Variants in SLC7A5 observed in about 807,000 individuals in gnomAD.
SLC7A5 encodes large neutral amino acids transporter small subunit 1.
In SLC7A5, 23 loss-of-function variants were observed where a neutral mutation model predicts 50.2. That is an observed-to-expected ratio of 0.46 (90% CI 0.33 to 0.65). SLC7A5 has a LOEUF of 0.65. Among genes scored for constraint, SLC7A5 ranks in the 30% least tolerant of loss-of-function variants. The probability of loss-of-function intolerance (pLI) is 0.02; values close to 1 mark genes in which losing one functional copy is unlikely to be tolerated. For missense variants in SLC7A5, 578 were observed against 684.4 expected, an observed-to-expected ratio of 0.84 and a Z score of 1.73; for synonymous variants, 393 against 330.6, an observed-to-expected ratio of 1.19 and a Z score of -2.05.
intron 9 of SLC7A5, among the ~76,000 whole-genome samples, chr16:87,834,062 C>G (rs1018820772): frequency 6.6e-6 from 1 of 152,128 alleles, no homozygotes; most frequent in Non-Finnish European, 1.5e-5. Context: ...CCATGTTGGC[C>G]AGGCTGGTCT....
At chr16:87,856,365 C>T (rs1317560290) in intron 1 of SLC7A5, among the ~76,000 whole-genome samples, 3 of 152,214 alleles carry the variant, frequency 2.0e-5, no homozygotes, top group Admixed American at 1.3e-4. Flanking sequence ...GGAGACAGCA[C>T]AGAGGAAGTG....
rs1407493955 is a variant in SLC7A5 at position 87,836,615 on chromosome 16, C to T, written c.1173G>A (p.Lys391=). The stretch of plus-strand genomic sequence containing the variant: ...AGAAGTTGATGACGGAGAAGATGTC[C>T]TTGGAGAAGGCGTAGAGCAGCGTCA... ...CVMTLLYAFS[K]DIFSVINFFS... Residue 391 remains lysine (K), a synonymous_variant, in exon 8 of 10, where the codon AAG becomes AAA. Coordinates refer to ENST00000261622, the MANE Select transcript of SLC7A5 (RefSeq NM_003486.7). 6.2e-7 allele frequency: 1 copy of T among 1,613,444 alleles called. No homozygotes were observed. The highest frequency in any genetic ancestry group is 1.1e-5 in the South Asian group (1 of 91,082).
chr16:87,851,641 C>G, intron 2 of SLC7A5, 83 bp downstream of exon 2: 20 of 1,538,724 alleles, frequency 1.3e-5, no homozygotes, highest in Non-Finnish European at 1.8e-5. Flanking sequence ...GGGAGGCACC[C>G]GGGGACGGGA....
chr16:87,858,312 A>G (rs1435161374), intron 1 of SLC7A5, among the ~76,000 whole-genome samples: 1 of 152,128 alleles, frequency 6.6e-6, no homozygotes, highest in Non-Finnish European at 1.5e-5. Flanking sequence ...TAATCTGACC[A>G]GTCACCGCAG....
At chr16:87,849,928 G>A (rs1226074445) in intron 2 of SLC7A5, among the ~76,000 whole-genome samples, 1 of 152,126 alleles carries the variant, frequency 6.6e-6, no homozygotes, top group African/African-American at 2.4e-5. Context: ...ACTTCCCCTC[G>A]ACGATGAGGC....
rs1237711630 is a variant in SLC7A5 at position 87,851,713 on chromosome 16, GA to G, written c.664+10del. Reference sequence around the variant, plus strand: ...GAGGGGCCGCCGGTGGGGCCTGGGGGACGTACTCACCCTTCCCGATCTGGAC... The same window carrying G: ...GAGGGGCCGCCGGTGGGGCCTGGGGGCGTACTCACCCTTCCCGATCTGGAC... On this transcript the variant is annotated intron_variant, in intron 2 of 9. Coordinates refer to ENST00000261622, the MANE Select transcript of SLC7A5 (RefSeq NM_003486.7). 4 of 1,608,640 alleles carry G rather than the reference GA, an allele frequency of 2.5e-6. No homozygotes were observed. The Admixed American group carries it at 6.7e-5, about 27-fold the overall frequency.
rs1050176178 is a variant in SLC7A5 at position 87,861,871 on chromosome 16, G to A, written c.538+7014C>T. 7.9e-5 allele frequency among the ~76,000 whole-genome samples: 12 copies of A among 152,234 alleles called. No individual in the cohort carries two copies. Among genetic ancestry groups the A allele is most frequent in the Non-Finnish European group, 1.6e-4 (11 of 68,050 alleles). On this transcript the variant is annotated intron_variant, in intron 1 of 9. Transcript: ENST00000261622. The surrounding 1 kb of genome is among the most constrained non-coding windows in gnomAD (Gnocchi z 4.2). ...CTTGCCCCGAATCCCGTGATGCAGC[G>A]TGACCTGCCTAGGTGCCGGCGGCAC... is the stretch of plus-strand genomic sequence containing the variant.
At chr16:87,866,646 T>C (rs1169098076) in intron 1 of SLC7A5, among the ~76,000 whole-genome samples, 5 of 152,080 alleles carry the variant, frequency 3.3e-5, no homozygotes, top group Non-Finnish European at 7.4e-5. Context: ...TTTGTATTTT[T>C]AGTAGAGATG....
Position 87,853,339 on chromosome 16 carries a change from G to A in SLC7A5, c.539-1490C>T, listed in dbSNP as rs1376211091. ...AAATTAACCACCCCGCTACAATTCT[G>A]TGGATGCCAGAGCGGAGACGGCTAC... On this transcript the variant is annotated intron_variant, in intron 1 of 9. Coordinates refer to ENST00000261622, the MANE Select transcript of SLC7A5 (RefSeq NM_003486.7). The surrounding 1 kb of genome is among the most constrained non-coding windows in gnomAD (Gnocchi z 4.4). Among the ~76,000 whole-genome samples the A allele has an allele frequency of 6.6e-6, 1 of 152,242 alleles. No individual in the cohort carries two copies. Among genetic ancestry groups the A allele is most frequent in the African/African-American group, 2.4e-5 (1 of 41,456 alleles).
intron 1 of SLC7A5, among the ~76,000 whole-genome samples, chr16:87,866,700 C>T (rs190669937): frequency 6.6e-6 from 1 of 152,122 alleles, no homozygotes; most frequent in Non-Finnish European, 1.5e-5. Context: ...CTCCTGACTT[C>T]AGGTGATCCG....
chr16:87,833,739 T>A lies in SLC7A5; in HGVS notation c.1468+675A>T, dbSNP rs1295032162. 6.6e-6 allele frequency among the ~76,000 whole-genome samples: 1 copy of A among 152,000 alleles called. No individual in the cohort carries two copies. Among genetic ancestry groups the A allele is most frequent in the East Asian group, 1.9e-4 (1 of 5,162 alleles). On this transcript the variant is annotated intron_variant, in intron 9 of 9. Coordinates refer to ENST00000261622, the MANE Select transcript of SLC7A5 (RefSeq NM_003486.7). The surrounding 1 kb of genome is among the most constrained non-coding windows in gnomAD (Gnocchi z 6.0). ...ATGTAGGCCCGCAAGCACCCCGGCC[T>A]TTTTCTACGAGCCTGGCCACATTTG... is the stretch of plus-strand genomic sequence containing the variant.
At chr16:87,836,702 C>T (rs556995541) in intron 7 of SLC7A5, 55 bp from the exon 8 acceptor site, 75 of 1,597,354 alleles carry the variant, frequency 4.7e-5, no homozygotes, top group Middle Eastern at 3.3e-4. Context: ...GGGCTGTGGA[C>T]GGCCGTGGTG....
rs1555513333 is a variant in SLC7A5 at position 87,836,652 on chromosome 16, A to G, written c.1141-5T>C. ...GTAGAGCAGCGTCATCACACACTGG[A>G]AGAGAGAGGCGGCTGGCTGAGCCCT... On this transcript the variant is annotated splice_region_variant and splice_polypyrimidine_tract_variant and intron_variant, in intron 7 of 9. Coordinates refer to ENST00000261622, the MANE Select transcript of SLC7A5 (RefSeq NM_003486.7). 3 of 1,611,886 alleles carry G rather than the reference A, an allele frequency of 1.9e-6. No individual in the cohort carries two copies. The highest frequency in any genetic ancestry group is 2.5e-6 in the Non-Finnish European group (3 of 1,179,968).
chr16:87,852,747 G>A lies in SLC7A5; in HGVS notation c.539-898C>T, dbSNP rs918168229. Among the ~76,000 whole-genome samples, 2 of 151,854 alleles carry A rather than the reference G, an allele frequency of 1.3e-5. No homozygotes were observed. The highest frequency in any genetic ancestry group is 2.9e-5 in the Non-Finnish European group (2 of 67,978). On this transcript the variant is annotated intron_variant, in intron 1 of 9. Transcript: ENST00000261622. This position sits in a 1 kb window ranked among gnomAD's most constrained non-coding sequence, Gnocchi z 4.5. ...CCACTGTGTGTGTGTGCGTGTGTGT[G>A]TGTGTTTTGGGGGGTTCTGTTGCAA...
chr16:87,839,617 A>G lies in SLC7A5; in HGVS notation c.939+85T>C. On this transcript the variant is annotated intron_variant, in intron 5 of 9. Transcript: ENST00000261622. ...CCCTCTGCGTAGGGGAGGCTTAGAGATGTGGGGCACCACTCCGGTCTGGAA... is the reference window on the plus strand; with the variant it reads ...CCCTCTGCGTAGGGGAGGCTTAGAGGTGTGGGGCACCACTCCGGTCTGGAA... The G allele has an allele frequency of 2.5e-6, 4 of 1,594,900 alleles. No homozygotes were observed. The South Asian group carries it at 3.3e-5, about 13-fold the overall frequency.
intron 1 of SLC7A5, among the ~76,000 whole-genome samples, chr16:87,863,434 C>T (rs1425678988): frequency 2.6e-5 from 4 of 152,174 alleles, no homozygotes; most frequent in African/African-American, 9.7e-5. Flanking sequence ...ATCTCAGCTC[C>T]AGCCTTTGCG....
At chr16:87,842,347 A>T (rs1158653165) in intron 2 of SLC7A5, among the ~76,000 whole-genome samples, 1 of 152,198 alleles carries the variant, frequency 6.6e-6, no homozygotes, top group South Asian at 2.1e-4. Context: ...ACAGGTCACC[A>T]TGGGGGCCCA....
chr16:87,863,536 G>C (rs754260784), intron 1 of SLC7A5: 3 of 152,146 alleles, frequency 2.0e-5, no homozygotes, highest in African/African-American at 2.4e-5. Flanking sequence ...CTACTGTCAT[G>C]CCAAGTTCCA....
intron 8 of SLC7A5, among the ~76,000 whole-genome samples, chr16:87,835,031 G>C (rs189521759): frequency 3.3e-4 from 51 of 152,374 alleles, no homozygotes; most frequent in Non-Finnish European, 4.4e-5. Context: ...CATCCCTGAA[G>C]CTGCAGCCTA....
Sources: gnomAD v4.1 joint callset for allele counts (sites outside exome capture counted in the v4.1 genomes callset) on GRCh38, gnomAD v4.1.1 for gene constraint, Gnocchi (gnomAD v3.1) non-coding constraint, MANE v1.5 for transcripts, NCBI Gene and HGNC (gene_info 2026-07-23, HGNC 2026-07-21) for gene names.